CELF2: variants seen among roughly 807,000 people sequenced by gnomAD.
CELF2 encodes CUG triplet repeat RNA-binding protein 2.
Under a neutral mutation model 62.6 loss-of-function variants are expected in CELF2, and 8 were observed. That is an observed-to-expected ratio of 0.13 (90% CI 0.07 to 0.23). CELF2 has a LOEUF of 0.23. CELF2 is among the 10% of genes least tolerant of loss of function. The pLI is 1.00. For missense variants in CELF2, 333 were observed against 671.0 expected, an observed-to-expected ratio of 0.50 and a Z score of 5.56; for synonymous variants, 258 against 250.0, an observed-to-expected ratio of 1.03 and a Z score of -0.30.
At chr10:11,053,007 A>G (rs544177728) in intron 1 of CELF2, among the ~76,000 whole-genome samples, 2 of 152,106 alleles carry the variant, frequency 1.3e-5, no homozygotes, top group African/African-American at 4.8e-5. Context: ...TTTTTTTTAA[A>G]TGTTTTCTTC....
the CELF2 span, among the ~76,000 whole-genome samples, chr10:10,759,146 T>C: frequency 6.6e-6 from 1 of 152,102 alleles, no homozygotes; most frequent in Non-Finnish European, 1.5e-5. Context: ...AAATGCATCA[T>C]TGAACAAATC....
At chr10:10,606,858 T>C in the CELF2 span, among the ~76,000 whole-genome samples, 3 of 152,304 alleles carry the variant, frequency 2.0e-5, no homozygotes, top group East Asian at 5.8e-4. Flanking sequence ...TAGAAAGATG[T>C]AACGACTCAA....
At chr10:10,607,634 A>G in the CELF2 span, among the ~76,000 whole-genome samples, 2 of 152,348 alleles carry the variant, frequency 1.3e-5, no homozygotes, top group East Asian at 3.9e-4. Flanking sequence ...TCTTCTTCAA[A>G]TGCAAGACTT....
intron 2 of CELF2, among the ~76,000 whole-genome samples, chr10:11,182,869 G>C (rs774850606): frequency 2.0e-5 from 3 of 152,050 alleles, no homozygotes; most frequent in Non-Finnish European, 2.9e-5. Context: ...TCCAAATCCT[G>C]TGAACTTGAG....
At chr10:10,732,590 C>T in the CELF2 span, among the ~76,000 whole-genome samples, 1 of 138,064 alleles carries the variant, frequency 7.2e-6, no homozygotes, top group Non-Finnish European at 1.5e-5. Context: ...GTGGTACATT[C>T]TTGGCTCACT....
At chr10:10,945,852 G>T (rs781286231) in intron 2 of CELF2, among the ~76,000 whole-genome samples, 8 of 152,296 alleles carry the variant, frequency 5.3e-5, no homozygotes, top group Admixed American at 2.6e-4. Context: ...TTTCTGGCTG[G>T]GTTATTATGG....
At chr10:10,923,525 G>A (rs988158014) in intron 2 of CELF2, among the ~76,000 whole-genome samples, 1 of 152,176 alleles carries the variant, frequency 6.6e-6, no homozygotes, top group Admixed American at 6.5e-5. Flanking sequence ...CTTTGAAGTC[G>A]AAATGAGATA....
the CELF2 span, among the ~76,000 whole-genome samples, chr10:10,521,657 G>T: frequency 6.6e-6 from 1 of 152,176 alleles, no homozygotes; most frequent in Non-Finnish European, 1.5e-5. Flanking sequence ...AGCCAAAATG[G>T]TGAAAGAAAG....
At chr10:11,057,565 T>C (rs955447135) in intron 1 of CELF2, among the ~76,000 whole-genome samples, 5 of 152,234 alleles carry the variant, frequency 3.3e-5, no homozygotes, top group Non-Finnish European at 5.9e-5. Flanking sequence ...TGAATAAGTG[T>C]TGATCCAAAG....
Position 11,165,499 on chromosome 10 carries a change from A to G in CELF2, c.88A>G (p.Asn30Asp). ...LVPDRINGTA[N>D]KMNGALDHSD... The stretch of plus-strand genomic sequence containing the variant: ...CGTTTTTGACAGTAACGGCACAGCC[A>G]ACAAGATGAACGGAGCTTTGGATCA... The change falls in exon 2 of 13, where the codon AAC becomes GAC. Residue 30 changes from asparagine (N) to aspartate (D), a missense_variant. Physicochemically the swap from Asn to Asp is conservative, Grantham distance 23. Coordinates refer to ENST00000633077, the MANE Select transcript of CELF2 (RefSeq NM_001326342.2). This position sits in a 1 kb window ranked among gnomAD's most constrained non-coding sequence, Gnocchi z 7.4. The G allele has an allele frequency of 6.2e-7, 1 of 1,613,658 alleles. No homozygotes were observed. The highest frequency in any genetic ancestry group is 8.5e-7 in the Non-Finnish European group (1 of 1,179,826).
At chr10:10,765,752 T>C in the CELF2 span, among the ~76,000 whole-genome samples, 2 of 152,214 alleles carry the variant, frequency 1.3e-5, no homozygotes, top group Admixed American at 1.3e-4. Context: ...GGCTTGTCCA[T>C]TGCTTATCTG....
chr10:10,917,557 C>T (rs540836126), intron 1 of CELF2, among the ~76,000 whole-genome samples: 23 of 152,102 alleles, frequency 1.5e-4, no homozygotes, highest in Admixed American at 4.6e-4. Context: ...CCCTGGCTGG[C>T]CTCAAACTCC....
the CELF2 span, among the ~76,000 whole-genome samples, chr10:10,462,615 C>CTTTTTTTTTTTTTTCTT: frequency 1.4e-5 from 1 of 69,414 alleles, no homozygotes; most frequent in African/African-American, 5.7e-5. Flanking sequence ...TTTTTTTCAT[C>CTTTTTTTTTTTTTTCTT]TTTTTTTTTT....
chr10:11,186,618 C>T (rs2075003238), intron 2 of CELF2, among the ~76,000 whole-genome samples: 1 of 152,116 alleles, frequency 6.6e-6, no homozygotes, highest in Non-Finnish European at 1.5e-5. Flanking sequence ...TTTCTAAATA[C>T]AGATTGCGCA....
chr10:11,083,530 AT>A (rs989361116), intron 1 of CELF2, among the ~76,000 whole-genome samples: 1 of 152,192 alleles, frequency 6.6e-6, no homozygotes, highest in African/African-American at 2.4e-5. Flanking sequence ...TGGGTCTTCT[AT>A]GAAAGTTTTT....
the CELF2 span, among the ~76,000 whole-genome samples, chr10:10,574,375 G>A: frequency 6.6e-6 from 1 of 152,136 alleles, no homozygotes; most frequent in African/African-American, 2.4e-5. Context: ...GGGCCATGCC[G>A]TGCTGGGCAG....
At chr10:11,192,557 C>A (rs1486731437) in intron 2 of CELF2, among the ~76,000 whole-genome samples, 1 of 152,232 alleles carries the variant, frequency 6.6e-6, no homozygotes, top group African/African-American at 2.4e-5. Context: ...TCCTTCACCT[C>A]CCCATAACAG....
intron 1 of CELF2, among the ~76,000 whole-genome samples, chr10:11,078,689 G>C (rs745786067): frequency 6.6e-6 from 1 of 152,168 alleles, no homozygotes; most frequent in Non-Finnish European, 1.5e-5. Flanking sequence ...AAGAGTGGGC[G>C]GTTCTTTCTC....
rs933296885 is a variant in CELF2 at position 11,285,402 on chromosome 10, C to T, written c.842-3016C>T. ...AGCCACTCCCCCTGGACTTTCCAGGCGGCAGCAGGGAAAGGCTTAGGAGAA... is the reference window on the plus strand; with the variant it reads ...AGCCACTCCCCCTGGACTTTCCAGGTGGCAGCAGGGAAAGGCTTAGGAGAA... On this transcript the variant is annotated intron_variant, in intron 8 of 12. Transcript: ENST00000633077. The surrounding 1 kb of genome is among the most constrained non-coding windows in gnomAD (Gnocchi z 4.3). Among the ~76,000 whole-genome samples, 7 of 152,092 alleles carry T rather than the reference C, an allele frequency of 4.6e-5. No individual in the cohort carries two copies. Among genetic ancestry groups the T allele is most frequent in the Admixed American group, 6.5e-5 (1 of 15,282 alleles).
Sources: gnomAD v4.1 joint callset for allele counts (sites outside exome capture counted in the v4.1 genomes callset) on GRCh38, gnomAD v4.1.1 for gene constraint, Gnocchi (gnomAD v3.1) non-coding constraint, MANE v1.5 for transcripts, NCBI Gene and HGNC (gene_info 2026-07-23, HGNC 2026-07-21) for gene names.